The following PAK2 variants were observed in gnomAD, a reference collection of about 807,000 sequenced individuals.
The protein encoded by PAK2 is p21 (RAC1) activated kinase 2.
Under a neutral mutation model 65.9 loss-of-function variants are expected in PAK2, and 21 were observed. The observed-to-expected ratio is 0.32, with a 90% confidence interval of 0.23 to 0.46. PAK2 has a LOEUF of 0.46. PAK2 is among the 20% of genes least tolerant of loss of function. The probability of loss-of-function intolerance (pLI) is 1.00; values close to 1 mark genes in which losing one functional copy is unlikely to be tolerated. For missense variants in PAK2, 324 were observed against 642.6 expected (o/e 0.50, Z 5.36); for synonymous variants, 204 against 219.7 (o/e 0.93, Z 0.63).
At chr3:196,823,232 C>T (rs1176244803) in intron 13 of PAK2, among the ~76,000 whole-genome samples, 1 of 152,040 alleles carries the variant, frequency 6.6e-6, no homozygotes, top group East Asian at 1.9e-4. Context: ...TGGTGTGAGT[C>T]TGGATGTATT....
chr3:196,766,037 C>T (rs1714153832), intron 1 of PAK2, among the ~76,000 whole-genome samples: 1 of 151,694 alleles, frequency 6.6e-6, no homozygotes, highest in African/African-American at 2.4e-5. Context: ...GCTGGGATTA[C>T]AAGTGAGCAC....
chr3:196,787,716 G>C (rs1054061852), intron 2 of PAK2, among the ~76,000 whole-genome samples: 1 of 152,174 alleles, frequency 6.6e-6, no homozygotes, highest in African/African-American at 2.4e-5. Context: ...GTTGCATGTC[G>C]TTTTCAGTCT....
At chr3:196,742,906 C>G (rs915099665) in intron 1 of PAK2, among the ~76,000 whole-genome samples, 1 of 152,070 alleles carries the variant, frequency 6.6e-6, no homozygotes. Context: ...GGCTACAGAG[C>G]GAGACTCCGT....
chr3:196,808,907 G>C (rs1049306948), intron 7 of PAK2, among the ~76,000 whole-genome samples: 1 of 151,438 alleles, frequency 6.6e-6, no homozygotes, highest in Admixed American at 6.6e-5. Flanking sequence ...TGCTAATCTA[G>C]AGGGTTCAAG....
At chr3:196,757,577 T>C (rs969669229) in intron 1 of PAK2, among the ~76,000 whole-genome samples, 2 of 151,984 alleles carry the variant, frequency 1.3e-5, no homozygotes, top group Non-Finnish European at 2.9e-5. Context: ...ACTTTTATTA[T>C]ATAAGAATAA....
At chr3:196,802,110 C>T (rs933223420) in intron 3 of PAK2, 83 bp downstream of exon 3, 1 of 812,908 alleles carries the variant, frequency 1.2e-6, no homozygotes, top group East Asian at 2.5e-5. Context: ...TTGAAATTAA[C>T]ATTTCAGGCC....
chr3:196,818,944 G>T (rs921121012), intron 12 of PAK2, among the ~76,000 whole-genome samples: 2 of 152,022 alleles, frequency 1.3e-5, no homozygotes, highest in Admixed American at 6.6e-5. Flanking sequence ...ATTGTTTTAA[G>T]TACTCATTTT....
chr3:196,796,566 A>G (rs1715266726), intron 2 of PAK2, among the ~76,000 whole-genome samples: 1 of 152,240 alleles, frequency 6.6e-6, no homozygotes, highest in Admixed American at 6.5e-5. Flanking sequence ...TACAATTTCA[A>G]CAGGTGAACA....
At chr3:196,775,487 A>G (rs778244849) in intron 1 of PAK2, among the ~76,000 whole-genome samples, 28 of 152,010 alleles carry the variant, frequency 1.8e-4, no homozygotes, top group Non-Finnish European at 3.5e-4. Context: ...GGTTCAAGCA[A>G]TTCTCCTGCC....
At chr3:196,755,146 G>C (rs1713726663) in intron 1 of PAK2, among the ~76,000 whole-genome samples, 1 of 152,192 alleles carries the variant, frequency 6.6e-6, no homozygotes, top group African/African-American at 2.4e-5. Context: ...TGATTTGATA[G>C]CATTATTTAC....
At position 196,749,989 on chromosome 3, in the gene PAK2, C is replaced by CTTT. The variant is rs199605682; in HGVS notation, c.-22+9844_-22+9846dup. 8.4e-4 allele frequency among the ~76,000 whole-genome samples: 119 copies of CTTT among 141,402 alleles called. 1 individual carries two copies. The highest frequency in any genetic ancestry group is 9.1e-4 in the Non-Finnish European group (60 of 65,794). The allele number at this position is 141,402 out of a possible 152,430, so 92.8% of individuals were successfully genotyped here. ...GATACGCTACCTTACCTGGCTATTT[C>CTTT]TTTTTTTTTTTTTTGAAACAGAGTT... On this transcript the variant is annotated intron_variant, in intron 1 of 14. Transcript: ENST00000327134.
intron 1 of PAK2, among the ~76,000 whole-genome samples, chr3:196,781,320 A>T (rs1009843147): frequency 6.6e-6 from 1 of 152,200 alleles, no homozygotes; most frequent in Non-Finnish European, 1.5e-5. Context: ...ATCAGAACTC[A>T]TATGTATAAG....
At chr3:196,776,033 G>A (rs1714523752) in intron 1 of PAK2, among the ~76,000 whole-genome samples, 1 of 152,176 alleles carries the variant, frequency 6.6e-6, no homozygotes, top group Admixed American at 6.5e-5. Context: ...GGTAAAGATG[G>A]AGTACGCTTT....
chr3:196,745,800 C>T (rs1033215379), intron 1 of PAK2, among the ~76,000 whole-genome samples: 1 of 142,870 alleles, frequency 7.0e-6, no homozygotes, highest in African/African-American at 2.6e-5. Flanking sequence ...GGCAACAGAA[C>T]GAGACTCCAT....
intron 11 of PAK2, among the ~76,000 whole-genome samples, chr3:196,815,554 C>CTCTTT (rs1560116255): frequency 6.6e-6 from 1 of 151,460 alleles, no homozygotes; most frequent in Non-Finnish European, 1.5e-5. Context: ...TTTGGGAGGC[C>CTCTTT]GAGGCGGGCA....
chr3:196,813,457 CAAAA>C (rs566020366), intron 10 of PAK2, among the ~76,000 whole-genome samples: 2 of 60,978 alleles, frequency 3.3e-5, no homozygotes, highest in Admixed American at 1.7e-4. Context: ...GACTCCATCT[CAAAA>C]AAAAAAAAAA....
chr3:196,749,987 T>TTC (rs1713518448), intron 1 of PAK2, among the ~76,000 whole-genome samples: 1 of 103,422 alleles, frequency 9.7e-6, no homozygotes, highest in African/African-American at 3.8e-5. Flanking sequence ...ACCTGGCTAT[T>TTC]TCTTTTTTTT....
chr3:196,773,788 C>T (rs988532959), intron 1 of PAK2, among the ~76,000 whole-genome samples: 1 of 152,024 alleles, frequency 6.6e-6, no homozygotes, highest in African/African-American at 2.4e-5. Flanking sequence ...AGGAGAATTG[C>T]TTGAATCCAG....
chr3:196,770,168 G>GATCACACATCAC (rs1251107462), intron 1 of PAK2, among the ~76,000 whole-genome samples: 1 of 151,926 alleles, frequency 6.6e-6, no homozygotes, highest in East Asian at 1.9e-4. Flanking sequence ...GAGGTGGGAG[G>GATCACACATCAC]ATCACTGGAG....
Sources: allele counts gnomAD v4.1 joint callset (sites outside exome capture counted in the v4.1 genomes callset), GRCh38; gene constraint gnomAD v4.1.1; transcripts MANE v1.5; gene names NCBI Gene and HGNC (gene_info 2026-07-23, HGNC 2026-07-21).